Variants in TBC1D13 observed in about 807,000 individuals in gnomAD.
TBC1D13 encodes the protein TBC1 domain family member 13, also known as epididymis secretory sperm binding protein.
In TBC1D13, 40 loss-of-function variants were observed where a neutral mutation model predicts 53.6. The observed-to-expected ratio is 0.75, with a 90% CI of 0.58 to 0.97. TBC1D13 has a LOEUF of 0.97. Ranked by LOEUF, TBC1D13 falls within the 50% of genes least tolerant of loss-of-function variation. TBC1D13 has a pLI of 0.00. For missense variants in TBC1D13, 377 were observed against 499.4 expected, an observed-to-expected ratio of 0.75 and a Z score of 2.34; for synonymous variants, 182 against 197.7, an observed-to-expected ratio of 0.92 and a Z score of 0.67.
At chr9:128,800,706 G>A (rs570305188) in intron 7 of TBC1D13, among the ~76,000 whole-genome samples, 2 of 152,230 alleles carry the variant, frequency 1.3e-5, no homozygotes, top group Admixed American at 6.5e-5. Context: ...AAAGTTGAAA[G>A]GAGAGTACAC....
Position 128,808,096 on chromosome 9 carries a change from A to G in TBC1D13, c.*217A>G, listed in dbSNP as rs1829872157. ...CTGCACTCTGCCCTCTTTGCCCAGG[A>G]TACTGAGGAGGGCTGGAGCTCGGGA... On this transcript the variant is annotated 3_prime_UTR_variant, in exon 12 of 12. Coordinates refer to ENST00000372648, the MANE Select transcript of TBC1D13 (RefSeq NM_018201.5). The G allele has an allele frequency of 1.8e-6, 1 of 556,674 alleles. No individual in the cohort carries two copies. The allele number at this position is 556,674 out of a possible 1,614,324, so 34.5% of individuals were successfully genotyped here. A position where few individuals can be genotyped will look rare whatever the true frequency, so the allele number is the denominator to read the frequency against.
chr9:128,804,704 C>A (rs1421529235), intron 9 of TBC1D13, among the ~76,000 whole-genome samples: 4 of 141,382 alleles, frequency 2.8e-5, no homozygotes, highest in Non-Finnish European at 6.1e-5. Flanking sequence ...CCACCGTGCC[C>A]AGCCCTTTTT....
intron 6 of TBC1D13, among the ~76,000 whole-genome samples, chr9:128,796,749 C>G (rs1253977075): frequency 6.6e-6 from 1 of 151,716 alleles, no homozygotes; most frequent in Non-Finnish European, 1.5e-5. Flanking sequence ...ACCATCCTGG[C>G]TAACATGGTG....
chr9:128,790,759 G>C lies in TBC1D13; in HGVS notation c.122G>C (p.Arg41Pro). ...FSGIPCEGGL[R>P]CLCWKILLNY... ...GGCATCCCCTGTGAGGGCGGACTGC[G>C]GTGCCTCTGCTGGAAGGTGGGTGTG... Residue 41 changes from arginine to proline, a missense_variant, in exon 3 of 12, where the codon CGG (arginine) becomes CCG (proline). Arg to Pro is a moderately radical substitution (Grantham distance 103). Transcript: ENST00000372648. 1.3e-6 allele frequency: 2 copies of C among 1,554,176 alleles called. No individual in the cohort carries two copies. Among genetic ancestry groups the C allele is most frequent in the East Asian group, 2.5e-5 (1 of 40,394 alleles).
At chr9:128,799,127 G>A (rs530046069) in intron 7 of TBC1D13, among the ~76,000 whole-genome samples, 5 of 152,308 alleles carry the variant, frequency 3.3e-5, no homozygotes, top group South Asian at 2.1e-4. Flanking sequence ...TGCAGATTGC[G>A]TGACTAGATA....
intron 9 of TBC1D13, among the ~76,000 whole-genome samples, chr9:128,805,318 G>C (rs1033488460): frequency 2.1e-4 from 32 of 152,112 alleles, no homozygotes; most frequent in African/African-American, 7.5e-4. Context: ...GCAATATAGC[G>C]AGACCTCATC....
chr9:128,799,939 T>C (rs946412234), intron 7 of TBC1D13, among the ~76,000 whole-genome samples: 2 of 152,200 alleles, frequency 1.3e-5, no homozygotes, highest in African/African-American at 2.4e-5. Context: ...GAGAATGGCG[T>C]GAACCCGGGA....
intron 8 of TBC1D13, 28 bp downstream of exon 8, chr9:128,803,488 C>A: frequency 6.2e-7 from 1 of 1,607,048 alleles, no homozygotes; most frequent in Non-Finnish European, 8.5e-7. Context: ...GCCCACATCC[C>A]TCGTTGCTGG....
intron 11 of TBC1D13, 100 bp downstream of exon 11, chr9:128,806,411 G>A (rs1025882061): frequency 1.6e-5 from 23 of 1,395,884 alleles, no homozygotes; most frequent in South Asian, 1.2e-4. Context: ...CAGGGGCAGC[G>A]GAGTGTAGTA....
intron 1 of TBC1D13, 31 bp from the exon 2 acceptor site, chr9:128,788,303 G>GCTTCATTTGC (rs1372406652): frequency 6.2e-7 from 1 of 1,606,830 alleles, no homozygotes; most frequent in East Asian, 2.2e-5. Context: ...ATATCAGCAT[G>GCTTCATTTGC]CTTCATTTGC....
intron 9 of TBC1D13, among the ~76,000 whole-genome samples, chr9:128,805,317 C>G (rs1052758199): frequency 2.2e-4 from 33 of 152,060 alleles, no homozygotes; most frequent in African/African-American, 7.7e-4. Flanking sequence ...GGCAATATAG[C>G]GAGACCTCAT....
rs762295070 is a variant in TBC1D13 at position 128,805,845 on chromosome 9, C to T, written c.919-14C>T. 1.5e-5 allele frequency: 24 copies of T among 1,611,386 alleles called. No homozygotes were observed. In the South Asian group the frequency reaches 1.5e-4, roughly 10 times the overall value. On this transcript the variant is annotated splice_polypyrimidine_tract_variant and intron_variant, in intron 9 of 11. Coordinates refer to ENST00000372648, the MANE Select transcript of TBC1D13 (RefSeq NM_018201.5). Reference sequence around the variant, plus strand: ...ACAGAGTCATGCCCCCCACCCCCCACGCTGTCTCCCCAGCAAGAGCAGAAC... The same window carrying T: ...ACAGAGTCATGCCCCCCACCCCCCATGCTGTCTCCCCAGCAAGAGCAGAAC...
chr9:128,797,977 G>A (rs949370986), intron 7 of TBC1D13, among the ~76,000 whole-genome samples: 2 of 152,230 alleles, frequency 1.3e-5, no homozygotes, highest in Admixed American at 6.5e-5. Flanking sequence ...CCCTGGCCAG[G>A]TGTGGTGGCT....
Position 128,791,650 on chromosome 9 carries a change from C to T in TBC1D13, c.257C>T (p.Ala86Val). ...EMIIQPGIAK[A>V]NMGVSREDVT... The stretch of plus-strand genomic sequence containing the variant: ...ATCATCCAGCCTGGCATTGCCAAGG[C>T]CAACATGGGTGTGTCCAGGGAGGAT... The change falls in exon 5 of 12, where the codon GCC (alanine) becomes GTC (valine). Residue 86 changes from alanine (A) to valine (V), a missense_variant. By Grantham distance (64) the Ala-to-Val change is moderately conservative. Transcript: ENST00000372648. 1 of 1,614,224 alleles carries T rather than the reference C, an allele frequency of 6.2e-7. No individual in the cohort carries two copies.
intron 6 of TBC1D13, 59 bp from the exon 7 acceptor site, chr9:128,796,996 T>C (rs966154367): frequency 6.3e-7 from 1 of 1,591,528 alleles, no homozygotes; most frequent in Admixed American, 1.7e-5. Context: ...TCCTGGCAGA[T>C]GGGATGGCGA....
In TBC1D13 at chr9:128,787,282, C is replaced by T. The variant is rs189903232; in HGVS notation, c.-72C>T. The T allele has an allele frequency of 0.029, 36,589 of 1,245,986 alleles. 609 individuals are homozygous for T. The highest frequency in any genetic ancestry group is 0.061 in the Middle Eastern group (284 of 4,694). 77.2% of individuals were successfully genotyped at this position (1,245,986 alleles called of 1,614,324 possible). On this transcript the variant is annotated 5_prime_UTR_variant, in exon 1 of 12. Transcript: ENST00000372648. ...AGAGCCCCGCGTCCCTGGGGGGCGG[C>T]GGCGGCGGCGGCAGCGCAGGCGGCA... is the stretch of plus-strand genomic sequence containing the variant.
chr9:128,802,761 G>A (rs1265963333), intron 7 of TBC1D13, among the ~76,000 whole-genome samples: 1 of 145,382 alleles, frequency 6.9e-6, no homozygotes, highest in Non-Finnish European at 1.5e-5. Context: ...TTTTGAGACA[G>A]TGTCTTGTTG....
rs555263967 is a variant in TBC1D13, at chr9:128,802,446, A to G, written c.544-804A>G. Among the ~76,000 whole-genome samples the G allele has an allele frequency of 3.9e-5, 6 of 152,320 alleles. 1 individual carries two copies. In the East Asian group the frequency reaches 9.6e-4, roughly 24 times the overall value. On this transcript the variant is annotated intron_variant, in intron 7 of 11. Coordinates refer to ENST00000372648, the MANE Select transcript of TBC1D13 (RefSeq NM_018201.5). ...TTTTTCTTGTGTGTGTACCTGTGTA[A>G]GTGCCAGTCAGTCAAGATACAGAAC...
In TBC1D13 at chr9:128,790,779, G is replaced by A. The variant is rs1829518674; in HGVS notation, c.138+4G>A. The A allele has an allele frequency of 6.4e-7, 1 of 1,559,058 alleles. No homozygotes were observed. Among genetic ancestry groups the A allele is most frequent in the Admixed American group, 2.2e-5 (1 of 45,410 alleles). On this transcript the variant is annotated splice_donor_region_variant and intron_variant, in intron 3 of 11. Transcript: ENST00000372648. ...ACTGCGGTGCCTCTGCTGGAAGGTG[G>A]GTGTGCCTGGGGTGGGGCTTCTGCT...
Sources: allele counts gnomAD v4.1 joint callset (sites outside exome capture counted in the v4.1 genomes callset), GRCh38; gene constraint gnomAD v4.1.1; transcripts MANE v1.5; gene names NCBI Gene and HGNC (gene_info 2026-07-23, HGNC 2026-07-21).